MROH9: variants seen among roughly 807,000 people sequenced by gnomAD.
MROH9 encodes the protein maestro heat-like repeat-containing protein family member 9.
Under a neutral mutation model 98.2 loss-of-function variants are expected in MROH9, and 92 were observed. The ratio of observed to expected loss-of-function variants is 0.94; its 90% CI spans 0.79 to 1.11. The LOEUF (loss-of-function observed/expected upper bound fraction) is 1.11, where lower values mean the gene tolerates loss of function less well. Among genes scored for constraint, MROH9 ranks in the 50% most tolerant of loss-of-function variants. The pLI, the probability that MROH9 is intolerant of heterozygous loss-of-function variation, is 0.00. For missense variants in MROH9, 1,057 were observed against 1,014.8 expected, an observed-to-expected ratio of 1.04 and a Z score of -0.57; for synonymous variants, 397 against 368.9, an observed-to-expected ratio of 1.08 and a Z score of -0.87.
At chr1:171,024,343 T>C in intron 17 of MROH9, 52 bp from the exon 18 acceptor site, 1 of 1,388,424 alleles carries the variant, frequency 7.2e-7, no homozygotes, top group African/African-American at 1.5e-5. Flanking sequence ...GATTACTGAT[T>C]GAAGAAAAAA....
chr1:171,062,295 G>C (rs2101878788), intron 21 of MROH9, 101 bp downstream of exon 21: 1 of 759,336 alleles, frequency 1.3e-6, no homozygotes, highest in East Asian at 2.8e-5. Flanking sequence ...TGCCAGGCCA[G>C]ACAGGAAGAG....
intron 5 of MROH9, among the ~76,000 whole-genome samples, chr1:170,960,637 G>C (rs1265988827): frequency 1.3e-5 from 2 of 151,706 alleles, no homozygotes; most frequent in Non-Finnish European, 2.9e-5. Flanking sequence ...GTTTTGTTTT[G>C]TTTGAGACAG....
intron 20 of MROH9, among the ~76,000 whole-genome samples, chr1:171,026,376 G>A (rs1364297531): frequency 6.6e-6 from 1 of 151,834 alleles, no homozygotes; most frequent in Non-Finnish European, 1.5e-5. Flanking sequence ...CCAGGTTCAA[G>A]CGACTCTCCT....
intron 3 of MROH9, among the ~76,000 whole-genome samples, chr1:170,953,399 G>A (rs1649630881): frequency 6.8e-6 from 1 of 148,034 alleles, no homozygotes; most frequent in Non-Finnish European, 1.5e-5. Flanking sequence ...TTTCCGTGTT[G>A]CATCTAAAAA....
At chr1:171,035,627 C>T (rs186062386) in intron 20 of MROH9, among the ~76,000 whole-genome samples, 96 of 152,080 alleles carry the variant, frequency 6.3e-4, no homozygotes, top group African/African-American at 2.2e-3. Context: ...ATAAATGACA[C>T]TTTTCAGAAA....
chr1:170,936,534 G>C (rs1204535305), intron 1 of MROH9, among the ~76,000 whole-genome samples: 2 of 152,106 alleles, frequency 1.3e-5, no homozygotes, highest in Admixed American at 1.3e-4. Flanking sequence ...TACCCTCACA[G>C]ACATACCCCA....
intron 14 of MROH9, among the ~76,000 whole-genome samples, chr1:170,997,679 G>A (rs1233760691): frequency 1.3e-5 from 2 of 152,148 alleles, no homozygotes; most frequent in East Asian, 3.9e-4. Flanking sequence ...CCACCCAAGT[G>A]TGTTCTGGAG....
chr1:171,015,882 C>T (rs997918548), intron 16 of MROH9, among the ~76,000 whole-genome samples: 3 of 152,064 alleles, frequency 2.0e-5, no homozygotes, highest in Non-Finnish European at 4.4e-5. Context: ...CCATGAATAA[C>T]CTCAAGAGCA....
chr1:171,027,612 T>C (rs928449827), intron 20 of MROH9, among the ~76,000 whole-genome samples: 1 of 152,232 alleles, frequency 6.6e-6, no homozygotes, highest in Admixed American at 6.5e-5. Flanking sequence ...TGGTCCTAGA[T>C]CCTTGAGGAA....
At chr1:170,947,463 C>T in intron 2 of MROH9, 64 bp from the exon 3 acceptor site, 1 of 1,378,110 alleles carries the variant, frequency 7.3e-7, no homozygotes, top group Admixed American at 1.8e-5. Context: ...GGAAATAAGG[C>T]CCCACTAAGA....
chr1:170,985,028 A>G (rs1487057329), intron 9 of MROH9, among the ~76,000 whole-genome samples: 1 of 152,316 alleles, frequency 6.6e-6, no homozygotes, highest in East Asian at 1.9e-4. Context: ...AACAAAACCG[A>G]AAACAATTCC....
At position 170,998,236 on chromosome 1, in the gene MROH9, T is replaced by G. The variant is rs1651655438; in HGVS notation, c.1558T>G (p.Ser520Ala). 6.2e-7 allele frequency: 1 copy of G among 1,613,328 alleles called. No individual in the cohort carries two copies. Among genetic ancestry groups the G allele is most frequent in the Non-Finnish European group, 8.5e-7 (1 of 1,179,602 alleles). ...YKLSVEGPRR[S>A]EDTVIVLIFL... is the part of the protein sequence containing the mutation. Reference sequence around the variant, plus strand: ...GCTCTCAGTAGAAGGTCCTAGAAGGTCAGAAGACACTGTCATCGTATTAAT... The same window carrying G: ...GCTCTCAGTAGAAGGTCCTAGAAGGGCAGAAGACACTGTCATCGTATTAAT... The change falls in exon 15 of 22, where the codon TCA becomes GCA. Residue 520 changes from serine to alanine, a missense_variant. Transcript: ENST00000367759.
chr1:171,043,504 T>G (rs1653371780), intron 20 of MROH9, among the ~76,000 whole-genome samples: 1 of 152,198 alleles, frequency 6.6e-6, no homozygotes, highest in South Asian at 2.1e-4. Context: ...TATTTTCTAT[T>G]TATATAAAGA....
At chr1:171,009,670 G>A (rs1652080904) in intron 15 of MROH9, among the ~76,000 whole-genome samples, 1 of 152,206 alleles carries the variant, frequency 6.6e-6, no homozygotes, top group Non-Finnish European at 1.5e-5. Flanking sequence ...AAGCCAAGAA[G>A]ACATGATATT....
At chr1:170,939,973 T>C (rs1358658110) in intron 1 of MROH9, among the ~76,000 whole-genome samples, 2 of 152,220 alleles carry the variant, frequency 1.3e-5, no homozygotes, top group African/African-American at 4.8e-5. Flanking sequence ...CTGCATCCTA[T>C]TGTCCAAGTA....
At chr1:171,056,307 C>G (rs1444654160) in intron 20 of MROH9, among the ~76,000 whole-genome samples, 1 of 152,180 alleles carries the variant, frequency 6.6e-6, no homozygotes, top group South Asian at 2.1e-4. Context: ...CTGCTGGAAC[C>G]AGTAGGGCTG....
At chr1:171,042,210 G>A (rs1057197942) in intron 20 of MROH9, among the ~76,000 whole-genome samples, 1 of 151,780 alleles carries the variant, frequency 6.6e-6, no homozygotes, top group Admixed American at 6.6e-5. Context: ...TTGATTTTTA[G>A]ATTCCACAAA....
intron 11 of MROH9, 126 bp downstream of exon 11, chr1:170,990,129 A>G: frequency 2.0e-6 from 2 of 1,006,080 alleles, no homozygotes; most frequent in Non-Finnish European, 2.8e-6. Context: ...GAAAGAGAAA[A>G]TCTATTTTTG....
At position 170,961,972 on chromosome 1, in the gene MROH9, T is replaced by G. The variant is rs1245668477; in HGVS notation, c.371T>G (p.Leu124Ter). Residue 124 changes from leucine to a stop codon, truncating the protein, a stop_gained, in exon 6 of 22, where the codon TTA becomes TGA. Transcript: ENST00000367759. LOFTEE classifies it high-confidence loss of function. ...VSKDLYKLQI[L>*]KEMLVWMSKD... ...AAAGACCTCTACAAACTACAGATCT[T>G]AAAGGTAAAGAGGAAATAAGTAGTT... 6.7e-7 allele frequency: 1 copy of G among 1,500,620 alleles called. No homozygotes were observed. The allele number at this position is 1,500,620 out of a possible 1,614,324, so 93.0% of individuals were successfully genotyped here.
Sources: gnomAD v4.1 joint callset for allele counts (sites outside exome capture counted in the v4.1 genomes callset) on GRCh38, gnomAD v4.1.1 for gene constraint, MANE v1.5 for transcripts, NCBI Gene and HGNC (gene_info 2026-07-23, HGNC 2026-07-21) for gene names.